Variants in GM2A observed in about 807,000 individuals in gnomAD.
GM2A encodes GM2 ganglioside activator.
Under a neutral mutation model 12.9 loss-of-function variants are expected in GM2A, and 7 were observed. The observed-to-expected ratio is 0.54, with a 90% confidence interval of 0.31 to 1.02. The LOEUF (loss-of-function observed/expected upper bound fraction) is 1.02, where lower values mean the gene tolerates loss of function less well. Ranked by LOEUF, GM2A falls within the 50% of genes least tolerant of loss-of-function variation. GM2A has a pLI of 0.05. For missense variants in GM2A, 246 were observed against 241.0 expected (o/e 1.02, Z -0.14); for synonymous variants, 101 against 96.0 (o/e 1.05, Z -0.30).
chr5:151,259,981 T>C, intron 2 of GM2A, 65 bp downstream of exon 2: 2 of 1,265,768 alleles, frequency 1.6e-6, no homozygotes, highest in Non-Finnish European at 2.3e-6. Flanking sequence ...TACTGGGGCA[T>C]GTATGCTTGG....
intron 1 of GM2A, among the ~76,000 whole-genome samples, chr5:151,255,636 T>G (rs898922541): frequency 1.3e-5 from 2 of 152,120 alleles, no homozygotes; most frequent in Non-Finnish European, 2.9e-5. Flanking sequence ...GATGGAAAAT[T>G]TCTAAAATCA....
intron 1 of GM2A, among the ~76,000 whole-genome samples, chr5:151,254,852 C>A (rs1432315097): frequency 1.3e-5 from 2 of 152,174 alleles, no homozygotes; most frequent in Non-Finnish European, 2.9e-5. Flanking sequence ...ACAGTTTCTA[C>A]TGAATATTTA....
chr5:151,254,375 TCTCA>T, intron 1 of GM2A, among the ~76,000 whole-genome samples: 1 of 152,102 alleles, frequency 6.6e-6, no homozygotes, highest in Non-Finnish European at 1.5e-5. Flanking sequence ...AGAGGTGGGG[TCTCA>T]CTCTGTCACC....
intron 2 of GM2A, among the ~76,000 whole-genome samples, chr5:151,260,372 C>T (rs955060886): frequency 4.6e-5 from 7 of 152,174 alleles, no homozygotes; most frequent in Non-Finnish European, 1.0e-4. Flanking sequence ...AATCCCAACA[C>T]TTTGGGAGGC....
intron 2 of GM2A, among the ~76,000 whole-genome samples, chr5:151,263,350 G>A (rs974343209): frequency 3.3e-5 from 5 of 151,740 alleles, no homozygotes; most frequent in Admixed American, 1.3e-4. Context: ...GATTACAGGC[G>A]TGAGCCACCA....
At chr5:151,258,875 T>C (rs1005178286) in intron 1 of GM2A, among the ~76,000 whole-genome samples, 2 of 151,140 alleles carry the variant, frequency 1.3e-5, no homozygotes, top group South Asian at 2.1e-4. Context: ...CAGTCTCTCA[T>C]AGGTGGCCTC....
Position 151,268,919 on chromosome 5 carries a change from G to A in GM2A, c.*1468G>A, listed in dbSNP as rs1753953604. On this transcript the variant is annotated 3_prime_UTR_variant, in exon 4 of 4. Coordinates refer to ENST00000357164, the MANE Select transcript of GM2A (RefSeq NM_000405.5). ...CCGTTTCTCCCTCCACAGGGCCAAA[G>A]CCATAGTGTCCGGTCCCAAGGACAA... The A allele has an allele frequency of 2.0e-6, 2 of 985,470 alleles. No individual in the cohort carries two copies. The highest frequency in any genetic ancestry group is 1.2e-6 in the Non-Finnish European group (1 of 829,952). The allele number at this position is 985,470 out of a possible 1,614,324, so 61.0% of individuals were successfully genotyped here.
chr5:151,261,421 A>G (rs1753796068), intron 2 of GM2A, among the ~76,000 whole-genome samples: 3 of 152,046 alleles, frequency 2.0e-5, no homozygotes, highest in African/African-American at 7.2e-5. Context: ...TTTCCAGGGT[A>G]GTTTTTATTT....
rs761411485 is a variant in GM2A at position 151,267,292 on chromosome 5, G to T, written c.427-4G>T. On this transcript the variant is annotated splice_region_variant and splice_polypyrimidine_tract_variant and intron_variant, in intron 3 of 3. Coordinates refer to ENST00000357164, the MANE Select transcript of GM2A (RefSeq NM_000405.5). Reference sequence around the variant, plus strand: ...TGACTGGCGGTCCACTGGCTTTCCCGCAGGGAACCTACTCACTGCCCAAGA... The same window carrying T: ...TGACTGGCGGTCCACTGGCTTTCCCTCAGGGAACCTACTCACTGCCCAAGA... The T allele has an allele frequency of 5.0e-6, 8 of 1,613,956 alleles. No individual in the cohort carries two copies. The highest frequency in any genetic ancestry group is 1.1e-5 in the South Asian group (1 of 91,080).
intron 2 of GM2A, among the ~76,000 whole-genome samples, chr5:151,263,292 A>G (rs1159413882): frequency 6.7e-6 from 1 of 149,748 alleles, no homozygotes; most frequent in Non-Finnish European, 1.5e-5. Flanking sequence ...CTGGTCTCAA[A>G]CTCCTGACCT....
rs764543724 is a variant in GM2A at position 151,267,620 on chromosome 5, G to T, written c.*169G>T. 2 of 1,524,008 alleles carry T rather than the reference G, an allele frequency of 1.3e-6. No individual in the cohort carries two copies. Among genetic ancestry groups the T allele is most frequent in the South Asian group, 2.4e-5 (2 of 83,092 alleles). The allele number at this position is 1,524,008 out of a possible 1,614,324, so 94.4% of individuals were successfully genotyped here. On this transcript the variant is annotated 3_prime_UTR_variant, in exon 4 of 4. Coordinates refer to ENST00000357164, the MANE Select transcript of GM2A (RefSeq NM_000405.5). Reference sequence around the variant, plus strand: ...TTTGTACCACTTACATTTTAGGCTGGGGCAAGCAGCCCTGACCTAAGGGAG... The same window carrying T: ...TTTGTACCACTTACATTTTAGGCTGTGGCAAGCAGCCCTGACCTAAGGGAG...
At chr5:151,255,972 C>G (rs1387934227) in intron 1 of GM2A, among the ~76,000 whole-genome samples, 1 of 152,180 alleles carries the variant, frequency 6.6e-6, no homozygotes, top group African/African-American at 2.4e-5. Flanking sequence ...CAAAATCACA[C>G]AGCACCTACA....
chr5:151,261,299 A>G (rs567482574), intron 2 of GM2A, among the ~76,000 whole-genome samples: 2 of 152,338 alleles, frequency 1.3e-5, no homozygotes, highest in East Asian at 1.9e-4. Flanking sequence ...TGTTGGGATT[A>G]TAGGCGTGAG....
At chr5:151,259,664 C>G (rs1753756890) in intron 1 of GM2A, 91 bp from the exon 2 acceptor site, 1 of 1,268,872 alleles carries the variant, frequency 7.9e-7, no homozygotes, top group Non-Finnish European at 1.1e-6. Flanking sequence ...CAAGGTCACT[C>G]TGCCAGGAGC....
Position 151,270,235 on chromosome 5 carries a change from A to G in GM2A, c.*2784A>G, listed in dbSNP as rs1753983910. On this transcript the variant is annotated 3_prime_UTR_variant, in exon 4 of 4. Coordinates refer to ENST00000357164, the MANE Select transcript of GM2A (RefSeq NM_000405.5). ...AAGTTAGACCTGTACTTCACACCAT[A>G]TGCAAGAATGAACTCCATCTGGATC... 2 of 514,888 alleles carry G rather than the reference A, an allele frequency of 3.9e-6. No individual in the cohort carries two copies. The highest frequency in any genetic ancestry group is 6.0e-6 in the Non-Finnish European group (2 of 332,700). The allele number at this position is 514,888 out of a possible 1,614,324, so 31.9% of individuals were successfully genotyped here.
chr5:151,270,148 AG>A lies in GM2A; in HGVS notation c.*2699del, dbSNP rs1444429094. 18 of 1,219,754 alleles carry A rather than the reference AG, an allele frequency of 1.5e-5. No individual in the cohort carries two copies. In the South Asian group the frequency reaches 2.9e-4, roughly 20 times the overall value. The allele number at this position is 1,219,754 out of a possible 1,614,324, so 75.6% of individuals were successfully genotyped here. A position where few individuals can be genotyped will look rare whatever the true frequency, so the allele number is the denominator to read the frequency against. ...AGTTAAAGGTGGCATCTTCAATCGC[AG>A]GTCAAAGCAGACTTTAATAAATGGT... On this transcript the variant is annotated 3_prime_UTR_variant, in exon 4 of 4. Coordinates refer to ENST00000357164, the MANE Select transcript of GM2A (RefSeq NM_000405.5).
rs1244139189 is a variant in GM2A, at chr5:151,270,099, G to GT, written c.*2651dup. 1 of 1,231,160 alleles carries GT rather than the reference G, an allele frequency of 8.1e-7. No homozygotes were observed. The highest frequency in any genetic ancestry group is 1.0e-6 in the Non-Finnish European group (1 of 987,948). The allele number at this position is 1,231,160 out of a possible 1,614,324, so 76.3% of individuals were successfully genotyped here. On this transcript the variant is annotated 3_prime_UTR_variant, in exon 4 of 4. Transcript: ENST00000357164. ...GCTCTTGGGTCATATGTTCCGTGAG[G>GT]TTTCTTAGGGGTGGGGGATGAGGAG... is the stretch of plus-strand genomic sequence containing the variant.
chr5:151,269,939 G>A lies in GM2A; in HGVS notation c.*2488G>A. The stretch of plus-strand genomic sequence containing the variant: ...GACCACTTCCCAATGCCGGGGATCT[G>A]ACACCTCACCTGGCAATGACCTCCA... On this transcript the variant is annotated 3_prime_UTR_variant, in exon 4 of 4. Coordinates refer to ENST00000357164, the MANE Select transcript of GM2A (RefSeq NM_000405.5). 1 of 1,197,482 alleles carries A rather than the reference G, an allele frequency of 8.4e-7. No individual in the cohort carries two copies. Among genetic ancestry groups the A allele is most frequent in the African/African-American group, 1.6e-5 (1 of 63,844 alleles). 74.2% of individuals were successfully genotyped at this position (1,197,482 alleles called of 1,614,324 possible). A position where few individuals can be genotyped will look rare whatever the true frequency, so the allele number is the denominator to read the frequency against.
At chr5:151,258,404 C>A (rs1020079266) in intron 1 of GM2A, among the ~76,000 whole-genome samples, 6 of 152,322 alleles carry the variant, frequency 3.9e-5, no homozygotes, top group Admixed American at 2.0e-4. Context: ...GGAAACTGGC[C>A]TATAAAATCA....
Sources: allele counts gnomAD v4.1 joint callset (sites outside exome capture counted in the v4.1 genomes callset), GRCh38; gene constraint gnomAD v4.1.1; transcripts MANE v1.5; gene names NCBI Gene and HGNC (gene_info 2026-07-23, HGNC 2026-07-21).